NCKAP5: variants seen among roughly 807,000 people sequenced by gnomAD.
NCKAP5 encodes the protein NCK associated protein 5, also known as nck-associated protein 5.
Under a neutral mutation model 167.0 loss-of-function variants are expected in NCKAP5, and 92 were observed. That is an observed-to-expected ratio of 0.55 (90% confidence interval 0.47 to 0.66). NCKAP5 has a LOEUF of 0.66. NCKAP5 is among the 30% of genes least tolerant of loss of function. The pLI is 0.00. For synonymous variants in NCKAP5, 891 were observed against 877.4 expected (o/e 1.02, Z -0.27); for missense variants, 2,378 against 2,315.0 (o/e 1.03, Z -0.56).
chr2:133,497,186 C>G (rs773427248), intron 3 of NCKAP5, among the ~76,000 whole-genome samples: 1 of 152,174 alleles, frequency 6.6e-6, no homozygotes, highest in African/African-American at 2.4e-5. Flanking sequence ...TAATGCAACA[C>G]ATTTATTTCC....
chr2:132,822,685 C>A (rs554870622), intron 11 of NCKAP5, among the ~76,000 whole-genome samples: 2 of 152,216 alleles, frequency 1.3e-5, no homozygotes, highest in African/African-American at 4.8e-5. Flanking sequence ...ACCAGCTCCC[C>A]AGCAATGGAT....
intron 6 of NCKAP5, among the ~76,000 whole-genome samples, chr2:133,063,395 A>G (rs115501513): frequency 1.5e-3 from 232 of 152,338 alleles, no homozygotes; most frequent in African/African-American, 5.3e-3. Context: ...ATACACTACC[A>G]GCATGTATTT....
chr2:133,627,870 C>T, the NCKAP5 span, among the ~76,000 whole-genome samples: 1 of 152,176 alleles, frequency 6.6e-6, no homozygotes, highest in Non-Finnish European at 1.5e-5. Flanking sequence ...TGCCCCTCCT[C>T]CCATCAGAAG....
chr2:133,060,335 G>C (rs559963241), intron 6 of NCKAP5, among the ~76,000 whole-genome samples: 2 of 152,124 alleles, frequency 1.3e-5, no homozygotes, highest in Non-Finnish European at 2.9e-5. Flanking sequence ...TTTGGGAAAA[G>C]TCCCATACTA....
chr2:132,691,787 A>G (rs529994871), intron 19 of NCKAP5, among the ~76,000 whole-genome samples: 18 of 151,760 alleles, frequency 1.2e-4, no homozygotes, highest in African/African-American at 4.4e-4. Context: ...CTCTCCTCCA[A>G]CCACAGACAT....
chr2:133,302,892 A>C, intron 4 of NCKAP5, 145 bp downstream of exon 4: 1 of 482,342 alleles, frequency 2.1e-6, no homozygotes, highest in Non-Finnish European at 3.7e-6. Context: ...TTGCCATTCC[A>C]AGATGATAGT....
the NCKAP5 span, among the ~76,000 whole-genome samples, chr2:133,629,111 T>C: frequency 6.6e-6 from 1 of 152,164 alleles, no homozygotes; most frequent in African/African-American, 2.4e-5. Flanking sequence ...CAAAAGCAAT[T>C]GCAACAGAAG....
At chr2:133,305,362 T>A (rs1680706370) in intron 3 of NCKAP5, among the ~76,000 whole-genome samples, 2 of 152,194 alleles carry the variant, frequency 1.3e-5, no homozygotes. Context: ...AGTTTCTTCA[T>A]CTTCGTCAGA....
intron 11 of NCKAP5, among the ~76,000 whole-genome samples, chr2:132,858,964 C>T (rs72847268): frequency 0.16 from 24,775 of 152,170 alleles, 2,459 homozygotes; most frequent in East Asian, 0.32. Flanking sequence ...GAAAAAAAAT[C>T]AGGAACATGC....
At chr2:133,265,442 C>T (rs112006277) in intron 4 of NCKAP5, among the ~76,000 whole-genome samples, 2 of 152,132 alleles carry the variant, frequency 1.3e-5, no homozygotes, top group African/African-American at 2.4e-5. Flanking sequence ...GCCTGCCACC[C>T]GGGAGGTCCC....
chr2:133,015,760 T>G (rs1028577682), intron 6 of NCKAP5, among the ~76,000 whole-genome samples: 4 of 152,070 alleles, frequency 2.6e-5, no homozygotes, highest in African/African-American at 9.7e-5. Context: ...AATGAGGAGA[T>G]GAACAAGTGT....
intron 11 of NCKAP5, among the ~76,000 whole-genome samples, chr2:132,839,416 C>A (rs1032740724): frequency 6.6e-6 from 1 of 151,998 alleles, no homozygotes; most frequent in African/African-American, 2.4e-5. Flanking sequence ...GTATAAGTAC[C>A]GTTGACTCTT....
chr2:133,122,243 C>T (rs1181341993), intron 6 of NCKAP5: 1 of 152,076 alleles, frequency 6.6e-6, no homozygotes, highest in Non-Finnish European at 1.5e-5. Flanking sequence ...AAAAATAAAA[C>T]ATTTATTATT....
intron 3 of NCKAP5, among the ~76,000 whole-genome samples, chr2:133,359,627 C>G (rs192443243): frequency 6.6e-6 from 1 of 152,112 alleles, no homozygotes; most frequent in African/African-American, 2.4e-5. Context: ...TAAAGTGAAG[C>G]ACTTTAGTGC....
Position 133,011,431 on chromosome 2 carries a change from C to T in NCKAP5, c.342-17192G>A, listed in dbSNP as rs537336253. Among the ~76,000 whole-genome samples the T allele has an allele frequency of 3.3e-5, 5 of 152,294 alleles. No homozygotes were observed. The South Asian group carries it at 1.0e-3, about 32-fold the overall frequency. ...TTTAATTGTAAAGTGCAAAGACTTG[C>T]CCCAGATTGGAAAAGAGAGGGAAAG... is the stretch of plus-strand genomic sequence containing the variant. On this transcript the variant is annotated intron_variant, in intron 6 of 19. Coordinates refer to ENST00000409261, the MANE Select transcript of NCKAP5 (RefSeq NM_207363.3).
chr2:133,358,568 C>A (rs1014957877), intron 3 of NCKAP5, among the ~76,000 whole-genome samples: 1 of 152,144 alleles, frequency 6.6e-6, no homozygotes, highest in Non-Finnish European at 1.5e-5. Context: ...CAGAGCAAGA[C>A]CCTGTCTCTT....
chr2:133,512,262 C>T (rs1020545934), intron 3 of NCKAP5, among the ~76,000 whole-genome samples: 6 of 152,118 alleles, frequency 3.9e-5, no homozygotes, highest in African/African-American at 1.4e-4. Context: ...TACTATTCTT[C>T]CTACTGGGGT....
In NCKAP5 at chr2:133,062,594, G is replaced by T. The variant is rs993963483; in HGVS notation, c.341+67384C>A. Among the ~76,000 whole-genome samples, 4 of 152,176 alleles carry T rather than the reference G, an allele frequency of 2.6e-5. No individual in the cohort carries two copies. The South Asian group carries it at 8.3e-4, about 32-fold the overall frequency. ...GAAAATCCTGGAGGTAAAAATCCAT[G>T]CAATAATTCTGGCTGGTCCTCTTTG... is the stretch of plus-strand genomic sequence containing the variant. On this transcript the variant is annotated intron_variant, in intron 6 of 19. Coordinates refer to ENST00000409261, the MANE Select transcript of NCKAP5 (RefSeq NM_207363.3).
At position 133,105,198 on chromosome 2, in the gene NCKAP5, T is replaced by G. The variant is rs144678908; in HGVS notation, c.341+24780A>C. Among the ~76,000 whole-genome samples the G allele has an allele frequency of 7.9e-3, 1,202 of 152,344 alleles. 12 individuals are homozygous for G. The highest frequency in any genetic ancestry group is 0.028 in the African/African-American group (1,157 of 41,580). On this transcript the variant is annotated intron_variant, in intron 6 of 19. Coordinates refer to ENST00000409261, the MANE Select transcript of NCKAP5 (RefSeq NM_207363.3). ...TTACACCTAAAATATACTTATTTCCTCATTAAAAATTGTTCATGAAAAAAT... is the reference window on the plus strand; with the variant it reads ...TTACACCTAAAATATACTTATTTCCGCATTAAAAATTGTTCATGAAAAAAT...
Sources: allele counts gnomAD v4.1 joint callset (sites outside exome capture counted in the v4.1 genomes callset), GRCh38; gene constraint gnomAD v4.1.1; transcripts MANE v1.5; gene names NCBI Gene and HGNC (gene_info 2026-07-23, HGNC 2026-07-21).